The following TMEM196 variants were observed in gnomAD, a reference collection of about 807,000 sequenced individuals.
TMEM196 encodes transmembrane protein 196.
A neutral mutation model predicts 20.0 loss-of-function variants in TMEM196; 17 were observed. That is an observed-to-expected ratio of 0.85 (90% CI 0.58 to 1.27). The LOEUF (loss-of-function observed/expected upper bound fraction) is 1.27, where lower values mean the gene tolerates loss of function less well. TMEM196 is among the 50% of genes most tolerant of loss of function. The probability of loss-of-function intolerance (pLI) is 0.00; values close to 1 mark genes in which losing one functional copy is unlikely to be tolerated. For synonymous variants in TMEM196, 113 were observed against 88.9 expected (o/e 1.27, Z -1.52); for missense variants, 267 against 223.0 (o/e 1.20, Z -1.26).
intron 1 of TMEM196, among the ~76,000 whole-genome samples, chr7:19,732,011 T>A (rs76892874): frequency 6.6e-6 from 1 of 152,172 alleles, no homozygotes; most frequent in African/African-American, 2.4e-5. Context: ...AAGATCTTGG[T>A]TGAAATTTAG....
intron 1 of TMEM196, among the ~76,000 whole-genome samples, chr7:19,752,194 G>A (rs945465177): frequency 6.6e-6 from 1 of 152,174 alleles, no homozygotes; most frequent in African/African-American, 2.4e-5. Flanking sequence ...TTGCAATTCA[G>A]TGTGCATGTA....
intron 2 of TMEM196, among the ~76,000 whole-genome samples, chr7:19,727,207 T>C (rs772381115): frequency 6.6e-6 from 1 of 152,178 alleles, no homozygotes; most frequent in Non-Finnish European, 1.5e-5. Context: ...ATAATTCCTC[T>C]TGAGAATAGT....
chr7:19,736,353 CTATATATATATATATATATATATATATA>C (rs71017071), intron 1 of TMEM196, among the ~76,000 whole-genome samples: 25 of 38,004 alleles, frequency 6.6e-4, no homozygotes, highest in East Asian at 4.5e-3. Context: ...GTGGTTCCTA[CTATATATATATATATATATATATATATA>C]TATATATATA....
chr7:19,756,104 T>C (rs1785201008), intron 1 of TMEM196, among the ~76,000 whole-genome samples: 1 of 151,746 alleles, frequency 6.6e-6, no homozygotes, highest in East Asian at 1.9e-4. Flanking sequence ...AAAAATGTAT[T>C]CAGACAAAAG....
chr7:19,745,186 A>G (rs971466080), intron 1 of TMEM196, among the ~76,000 whole-genome samples: 1 of 152,176 alleles, frequency 6.6e-6, no homozygotes, highest in Admixed American at 6.5e-5. Flanking sequence ...AATAGTTGTT[A>G]TACTATATTG....
At chr7:19,728,093 A>G (rs1784062883) in intron 2 of TMEM196, among the ~76,000 whole-genome samples, 1 of 152,152 alleles carries the variant, frequency 6.6e-6, no homozygotes, top group Non-Finnish European at 1.5e-5. Flanking sequence ...GTAATTTATA[A>G]GAGAAAGACA....
At chr7:19,724,139 G>A in intron 4 of TMEM196, 141 bp downstream of exon 4, 1 of 745,874 alleles carries the variant, frequency 1.3e-6, no homozygotes, top group African/African-American at 1.8e-5. Context: ...TGCAAAGTAA[G>A]CGCTTACGAA....
intron 1 of TMEM196, among the ~76,000 whole-genome samples, chr7:19,764,372 A>G (rs1014792564): frequency 2.0e-5 from 3 of 152,160 alleles, no homozygotes; most frequent in African/African-American, 4.8e-5. Context: ...CCTTTTCAAG[A>G]CTGGTACCAT....
At chr7:19,736,394 T>C (rs982641388) in intron 1 of TMEM196, among the ~76,000 whole-genome samples, 4 of 93,122 alleles carry the variant, frequency 4.3e-5, no homozygotes, top group African/African-American at 1.7e-4. Context: ...TATATATATA[T>C]ATATATAAAT....
At chr7:19,737,272 C>T (rs537108363) in intron 1 of TMEM196, among the ~76,000 whole-genome samples, 48 of 151,914 alleles carry the variant, frequency 3.2e-4, no homozygotes, top group Middle Eastern at 3.4e-3. Context: ...AATACCAAGA[C>T]GAATCTGTTA....
At position 19,772,802 on chromosome 7, in the gene TMEM196, A is replaced by G; in HGVS notation, c.-106T>C. The G allele has an allele frequency of 8.7e-7, 1 of 1,143,296 alleles. No individual in the cohort carries two copies. Among genetic ancestry groups the G allele is most frequent in the Non-Finnish European group, 1.1e-6 (1 of 885,992 alleles). The allele number at this position is 1,143,296 out of a possible 1,614,324, so 70.8% of individuals were successfully genotyped here. A position where few individuals can be genotyped will look rare whatever the true frequency, so the allele number is the denominator to read the frequency against. On this transcript the variant is annotated 5_prime_UTR_variant, in exon 1 of 5. Coordinates refer to ENST00000405844, the MANE Select transcript of TMEM196 (RefSeq NM_001363562.2). ...CTTCCACCCCCTACCAGATCCCAAA[A>G]CTTTTCTTTCTTCAAGAGCGAGGCA...
intron 1 of TMEM196, among the ~76,000 whole-genome samples, chr7:19,750,502 C>G (rs1400967692): frequency 6.6e-6 from 1 of 152,012 alleles, no homozygotes; most frequent in African/African-American, 2.4e-5. Flanking sequence ...TCGTATCTCA[C>G]AAGAACTCCT....
chr7:19,737,675 A>G (rs996303285), intron 1 of TMEM196, among the ~76,000 whole-genome samples: 1 of 151,992 alleles, frequency 6.6e-6, no homozygotes, highest in African/African-American at 2.4e-5. Context: ...TGTTCACTGT[A>G]TGATTCCAAT....
Position 19,754,926 on chromosome 7 carries a change from A to G in TMEM196, c.147+17624T>C, listed in dbSNP as rs75154300. Among the ~76,000 whole-genome samples, 680 of 152,326 alleles carry G rather than the reference A, an allele frequency of 4.5e-3. 10 individuals are homozygous for G. Among genetic ancestry groups the G allele is most frequent in the African/African-American group, 0.016 (649 of 41,566 alleles). Reference sequence around the variant, plus strand: ...TCTACCATGATGAAAATCACAGCTGATACAGCACTTATTATTTATAATGAA... The same window carrying G: ...TCTACCATGATGAAAATCACAGCTGGTACAGCACTTATTATTTATAATGAA... On this transcript the variant is annotated intron_variant, in intron 1 of 4. Coordinates refer to ENST00000405844, the MANE Select transcript of TMEM196 (RefSeq NM_001363562.2).
chr7:19,730,075 T>C (rs1478386306), intron 1 of TMEM196, among the ~76,000 whole-genome samples: 1 of 151,906 alleles, frequency 6.6e-6, no homozygotes, highest in Non-Finnish European at 1.5e-5. Flanking sequence ...GCTAACACGG[T>C]GAAACCCCGT....
At position 19,720,928 on chromosome 7, in the gene TMEM196, A is replaced by G. The variant is rs1475079456; in HGVS notation, c.*1200T>C. 1 of 151,932 alleles carries G rather than the reference A, an allele frequency of 6.6e-6. No individual in the cohort carries two copies. The highest frequency in any genetic ancestry group is 2.4e-5 in the African/African-American group (1 of 41,454). The allele number at this position is 151,932 out of a possible 1,614,324, so 9.4% of individuals were successfully genotyped here. A position where few individuals can be genotyped will look rare whatever the true frequency, so the allele number is the denominator to read the frequency against. ...TGGACTGCAAGGTGTTTGAAATATC[A>G]ATATCATCAATAATTTTAAGTCATG... On this transcript the variant is annotated 3_prime_UTR_variant, in exon 5 of 5. Transcript: ENST00000405844.
At chr7:19,769,955 C>T (rs969426519) in intron 1 of TMEM196, among the ~76,000 whole-genome samples, 4 of 152,000 alleles carry the variant, frequency 2.6e-5, no homozygotes, top group African/African-American at 9.7e-5. Flanking sequence ...TTAATTTGTT[C>T]CTTTTAATGA....
chr7:19,738,396 T>C (rs1784476257), intron 1 of TMEM196, among the ~76,000 whole-genome samples: 2 of 152,084 alleles, frequency 1.3e-5, no homozygotes, highest in African/African-American at 4.8e-5. Context: ...TTTATATAGA[T>C]GTCTATACAC....
intron 1 of TMEM196, among the ~76,000 whole-genome samples, chr7:19,753,538 CG>C (rs751180386): frequency 3.3e-5 from 5 of 152,152 alleles, no homozygotes; most frequent in Non-Finnish European, 7.4e-5. Context: ...TAATTTTTCA[CG>C]TAATTCCATT....
Sources: gnomAD v4.1 joint callset for allele counts (sites outside exome capture counted in the v4.1 genomes callset) on GRCh38, gnomAD v4.1.1 for gene constraint, MANE v1.5 for transcripts, NCBI Gene and HGNC (gene_info 2026-07-23, HGNC 2026-07-21) for gene names.